The following GOSR2 variants were observed in gnomAD, a reference collection of about 807,000 sequenced individuals.
The protein encoded by GOSR2 is 27 kDa Golgi SNARE protein.
A neutral mutation model predicts 27.9 loss-of-function variants in GOSR2; 20 were observed. The observed-to-expected ratio is 0.72, with a 90% CI of 0.50 to 1.04. The LOEUF (loss-of-function observed/expected upper bound fraction) is 1.04, where lower values mean the gene tolerates loss of function less well. Ranked by LOEUF, GOSR2 falls within the 50% of genes least tolerant of loss-of-function variation. The probability of loss-of-function intolerance (pLI) is 0.00; values close to 1 mark genes in which losing one functional copy is unlikely to be tolerated. For missense variants in GOSR2, 261 were observed against 270.5 expected, an observed-to-expected ratio of 0.97 and a Z score of 0.25; for synonymous variants, 91 against 98.8, an observed-to-expected ratio of 0.92 and a Z score of 0.47.
intron 1 of GOSR2, among the ~76,000 whole-genome samples, chr17:46,928,193 C>T (rs921879825): frequency 2.0e-5 from 3 of 152,168 alleles, no homozygotes; most frequent in African/African-American, 7.2e-5. Flanking sequence ...TGCCTAGGAG[C>T]ACCCTGGGGA....
intron 6 of GOSR2, among the ~76,000 whole-genome samples, chr17:46,960,579 C>A (rs1255339865): frequency 6.6e-6 from 1 of 152,118 alleles, no homozygotes; most frequent in Non-Finnish European, 1.5e-5. Flanking sequence ...TTTGCAATCA[C>A]CAAAACAGGA....
chr17:46,974,194 C>T (rs915525531), intron 6 of GOSR2, among the ~76,000 whole-genome samples: 2 of 152,244 alleles, frequency 1.3e-5, no homozygotes, highest in African/African-American at 2.4e-5. Flanking sequence ...CGCATGGAAC[C>T]AGCTACCTGG....
At chr17:46,933,631 C>CTTTTTTTTT (rs5820637) in intron 4 of GOSR2, 2 of 134,748 alleles carry the variant, frequency 1.5e-5, no homozygotes, top group East Asian at 2.1e-4. Context: ...GTGGCATAAC[C>CTTTTTTTTT]TTTTTTTTTT....
intron 6 of GOSR2, among the ~76,000 whole-genome samples, chr17:46,951,056 A>G (rs1468816950): frequency 2.6e-5 from 4 of 152,158 alleles, no homozygotes; most frequent in Non-Finnish European, 5.9e-5. Flanking sequence ...TACCATGTTC[A>G]TGCCAGGCAC....
chr17:46,961,491 C>T (rs1008516521), intron 6 of GOSR2, among the ~76,000 whole-genome samples: 1 of 152,042 alleles, frequency 6.6e-6, no homozygotes, highest in African/African-American at 2.4e-5. Context: ...GCTATGATCA[C>T]GCCATTGCAC....
chr17:46,934,686 G>T (rs1045249097), intron 4 of GOSR2, among the ~76,000 whole-genome samples: 2 of 152,252 alleles, frequency 1.3e-5, no homozygotes, highest in Non-Finnish European at 2.9e-5. Context: ...AGCTAGGTTA[G>T]TGAGTAGTCA....
chr17:46,950,318 G>A (rs975738017), intron 6 of GOSR2, among the ~76,000 whole-genome samples: 6 of 152,180 alleles, frequency 3.9e-5, no homozygotes, highest in Middle Eastern at 3.2e-3. Flanking sequence ...AGGAGGAGGC[G>A]GCTGGCTGAG....
rs2087565608 is a variant in GOSR2, at chr17:46,932,572, C to T, written c.336+373C>T. The T allele has an allele frequency of 1.9e-5, 9 of 475,794 alleles. No homozygotes were observed. In the East Asian group the frequency reaches 3.2e-4, roughly 17 times the overall value. 29.5% of individuals were successfully genotyped at this position (475,794 alleles called of 1,614,324 possible). The stretch of plus-strand genomic sequence containing the variant: ...AGAGAAGGCAGCATTTCAAAGCTGC[C>T]TGCGGGCAGTTGCCATTGTGCCGAG... On this transcript the variant is annotated intron_variant, in intron 4 of 5. Transcript: ENST00000640051.
At chr17:46,965,070 A>T (rs1325927849) in intron 6 of GOSR2, 2 of 152,208 alleles carry the variant, frequency 1.3e-5, no homozygotes, top group African/African-American at 4.8e-5. Context: ...CCAGACATGT[A>T]TCCCAGAAAC....
At chr17:46,973,389 G>C (rs9893406) in intron 6 of GOSR2, among the ~76,000 whole-genome samples, 145,614 of 152,144 alleles carry the variant, frequency 0.96, 70,011 homozygotes, top group East Asian at 1. Context: ...TCTCGAACTC[G>C]TGGGCTCAAG....
chr17:46,932,578 G>C (rs2087567219), intron 4 of GOSR2: 1 of 467,180 alleles, frequency 2.1e-6, no homozygotes, highest in Admixed American at 3.9e-5. Flanking sequence ...CTGCCTGCGG[G>C]CAGTTGCCAT....
At chr17:46,945,016 C>T (rs1439093465), downstream of GOSR2, among the ~76,000 whole-genome samples, 2 of 152,192 alleles carry the variant, frequency 1.3e-5, no homozygotes, top group Admixed American at 6.5e-5. Context: ...ACAGGATCTA[C>T]TCGTGAAACA....
rs571228022 is a variant in GOSR2 at position 46,932,658 on chromosome 17, A to G, written c.336+459A>G. 5.7e-5 allele frequency: 14 copies of G among 245,086 alleles called. No homozygotes were observed. In the South Asian group the frequency reaches 6.9e-4, roughly 12 times the overall value. The allele number at this position is 245,086 out of a possible 1,614,324, so 15.2% of individuals were successfully genotyped here. A position where few individuals can be genotyped will look rare whatever the true frequency, so the allele number is the denominator to read the frequency against. ...GTTTTTGCCCCTAGTCTGAGCAGCAATTTGGAGGAATTTGTTAACAGATGT... is the reference window on the plus strand; with the variant it reads ...GTTTTTGCCCCTAGTCTGAGCAGCAGTTTGGAGGAATTTGTTAACAGATGT... On this transcript the variant is annotated intron_variant, in intron 4 of 5. Transcript: ENST00000640051.
intron 1 of GOSR2, 85 bp from the exon 2 acceptor site, chr17:46,929,435 G>A (rs1350488498): frequency 2.8e-5 from 22 of 778,652 alleles, no homozygotes; most frequent in South Asian, 4.1e-5. Context: ...TCAGTTACAT[G>A]TTGGCATCAG....
intron 5 of GOSR2, chr17:46,936,367 G>C: frequency 1.0e-6 from 1 of 985,376 alleles, no homozygotes; most frequent in Non-Finnish European, 1.2e-6. Flanking sequence ...ACTCAAGTCT[G>C]GCAGCGCTGG....
At chr17:46,945,625 TCTC>T (rs1313627186), downstream of GOSR2, among the ~76,000 whole-genome samples, 3 of 152,092 alleles carry the variant, frequency 2.0e-5, no homozygotes, top group Non-Finnish European at 4.4e-5. Flanking sequence ...GGGAAGCAGT[TCTC>T]CCTTCTTTCC....
chr17:46,940,647 C>G lies in GOSR2; in HGVS notation c.*1887C>G. On this transcript the variant is annotated 3_prime_UTR_variant, in exon 6 of 6. Coordinates refer to ENST00000640051, the MANE Select transcript of GOSR2 (RefSeq NM_004287.5). ...TTCTTGAACTCTGGGAGGCAGAAGT[C>G]CCCGCACCCATCATGCGTGGACTGA... is the stretch of plus-strand genomic sequence containing the variant. 6.2e-7 allele frequency: 1 copy of G among 1,613,758 alleles called. No homozygotes were observed. The highest frequency in any genetic ancestry group is 2.2e-5 in the East Asian group (1 of 44,890).
intron 6 of GOSR2, among the ~76,000 whole-genome samples, chr17:46,960,321 A>G (rs2090978914): frequency 1.3e-5 from 2 of 152,232 alleles, no homozygotes; most frequent in African/African-American, 4.8e-5. Flanking sequence ...TGGCATACAT[A>G]CAAACAAACA....
intron 4 of GOSR2, among the ~76,000 whole-genome samples, chr17:46,934,113 C>T (rs1386966187): frequency 6.6e-6 from 1 of 152,228 alleles, no homozygotes; most frequent in Non-Finnish European, 1.5e-5. Context: ...TTTCCCTCTA[C>T]AGTGTGGGTA....
Sources: gnomAD v4.1 joint callset for allele counts (sites outside exome capture counted in the v4.1 genomes callset) on GRCh38, gnomAD v4.1.1 for gene constraint, MANE v1.5 for transcripts, NCBI Gene and HGNC (gene_info 2026-07-23, HGNC 2026-07-21) for gene names.